Variants in DLG2 observed in about 807,000 individuals in gnomAD.
The protein encoded by DLG2 is disks large homolog 2.
DLG2 carries 45 observed loss-of-function variants against 132.5 expected under a neutral mutation model. The ratio of observed to expected loss-of-function variants is 0.34; its 90% confidence interval spans 0.27 to 0.44. The LOEUF is 0.44. DLG2 is among the 20% of genes least tolerant of loss of function. The probability of loss-of-function intolerance (pLI) is 1.00; values close to 1 mark genes in which losing one functional copy is unlikely to be tolerated. For synonymous variants in DLG2, 424 were observed against 419.6 expected (o/e 1.01, Z -0.13); for missense variants, 1,045 against 1,196.9 (o/e 0.87, Z 1.87).
At chr11:85,132,612 C>T (rs2075809609) in intron 5 of DLG2, among the ~76,000 whole-genome samples, 1 of 152,100 alleles carries the variant, frequency 6.6e-6, no homozygotes, top group Non-Finnish European at 1.5e-5. Context: ...AGACAGGACC[C>T]CCCAGACCCT....
intron 27 of DLG2, 97 bp downstream of exon 27, chr11:83,461,905 T>G: frequency 1.2e-6 from 1 of 813,044 alleles, no homozygotes. Context: ...ACAGGAAGGT[T>G]TTAGGGCACA....
chr11:84,628,630 C>T (rs1040202249), intron 6 of DLG2, among the ~76,000 whole-genome samples: 7 of 152,148 alleles, frequency 4.6e-5, no homozygotes, highest in African/African-American at 1.7e-4. Context: ...GGATATACTT[C>T]AAGTCTTTCT....
intron 16 of DLG2, among the ~76,000 whole-genome samples, chr11:83,859,048 C>T (rs573076508): frequency 2.6e-5 from 4 of 152,328 alleles, no homozygotes; most frequent in African/African-American, 7.2e-5. Context: ...CTCCTCCTTG[C>T]CTTCTGCCAT....
Position 85,009,039 on chromosome 11 carries a change from G to A in DLG2, c.357+102622C>T, listed in dbSNP as rs1032885531. 1.1e-4 allele frequency among the ~76,000 whole-genome samples: 16 copies of A among 151,876 alleles called. 1 individual carries two copies. Among genetic ancestry groups the A allele is most frequent in the Admixed American group, 2.6e-4 (4 of 15,242 alleles). On this transcript the variant is annotated intron_variant, in intron 6 of 27. Coordinates refer to ENST00000376104, the MANE Select transcript of DLG2 (RefSeq NM_001142699.3). ...ATGACAAATACAAAAGTCCTAAGGC[G>A]GGAAATAGGCCTGTAGAACTGAAAT... is the stretch of plus-strand genomic sequence containing the variant.
chr11:85,128,118 T>C (rs1376702719), intron 5 of DLG2, among the ~76,000 whole-genome samples: 1 of 152,192 alleles, frequency 6.6e-6, no homozygotes, highest in Non-Finnish European at 1.5e-5. Context: ...TTTTATTATG[T>C]ACATTAACCT....
At chr11:84,001,681 G>C (rs1457463577) in intron 11 of DLG2, among the ~76,000 whole-genome samples, 2 of 152,072 alleles carry the variant, frequency 1.3e-5, no homozygotes, top group Non-Finnish European at 2.9e-5. Context: ...CAGGATAGTA[G>C]ATATGTCAGG....
chr11:83,869,277 C>A (rs552711127), intron 16 of DLG2, among the ~76,000 whole-genome samples: 1 of 152,194 alleles, frequency 6.6e-6, no homozygotes, highest in South Asian at 2.1e-4. Context: ...TCAGCATCAT[C>A]CTGGGAAATC....
chr11:83,817,899 G>A (rs1420137108), intron 17 of DLG2, among the ~76,000 whole-genome samples: 2 of 152,066 alleles, frequency 1.3e-5, no homozygotes, highest in Non-Finnish European at 2.9e-5. Context: ...TAAAATAAAG[G>A]GAAGTCTTTA....
intron 6 of DLG2, among the ~76,000 whole-genome samples, chr11:84,904,171 T>A (rs1279434701): frequency 6.6e-6 from 1 of 152,152 alleles, no homozygotes; most frequent in Non-Finnish European, 1.5e-5. Context: ...GCAGAGCAAC[T>A]AGACCCATAC....
chr11:84,908,275 T>C (rs2091737743), intron 6 of DLG2, among the ~76,000 whole-genome samples: 1 of 152,214 alleles, frequency 6.6e-6, no homozygotes, highest in African/African-American at 2.4e-5. Context: ...ATATTATCAA[T>C]TCAACATATA....
chr11:84,816,612 T>C (rs1262548352), intron 6 of DLG2, among the ~76,000 whole-genome samples: 1 of 151,950 alleles, frequency 6.6e-6, no homozygotes, highest in Non-Finnish European at 1.5e-5. Flanking sequence ...CTCTAATTCA[T>C]ATAACAGCCC....
chr11:83,862,618 A>G (rs372561686), intron 16 of DLG2, among the ~76,000 whole-genome samples: 2 of 152,204 alleles, frequency 1.3e-5, no homozygotes, highest in East Asian at 3.8e-4. Flanking sequence ...TGTTTGTAAC[A>G]TAAATAAAGG....
chr11:83,916,483 T>C (rs1383018042), intron 15 of DLG2, among the ~76,000 whole-genome samples: 1 of 151,952 alleles, frequency 6.6e-6, no homozygotes, highest in African/African-American at 2.4e-5. Context: ...GCCTGGCTAA[T>C]TTTTGTATTT....
intron 7 of DLG2, among the ~76,000 whole-genome samples, chr11:84,414,508 T>C (rs1250145258): frequency 3.3e-5 from 5 of 152,174 alleles, no homozygotes; most frequent in African/African-American, 7.2e-5. Flanking sequence ...ACATAGTAAA[T>C]TCCATTCCGG....
At chr11:85,217,840 T>A (rs1329282004) in intron 4 of DLG2, among the ~76,000 whole-genome samples, 2 of 152,234 alleles carry the variant, frequency 1.3e-5, no homozygotes, top group African/African-American at 4.8e-5. Flanking sequence ...TCAAAAATTC[T>A]TACCAAGGCC....
intron 3 of DLG2, among the ~76,000 whole-genome samples, chr11:85,503,179 T>A (rs1236080171): frequency 6.6e-6 from 1 of 152,166 alleles, no homozygotes; most frequent in Non-Finnish European, 1.5e-5. Context: ...CACTGTATAG[T>A]AATTACACTG....
At chr11:83,840,372 A>G (rs142727161) in intron 16 of DLG2, among the ~76,000 whole-genome samples, 277 of 152,328 alleles carry the variant, frequency 1.8e-3, no homozygotes, top group African/African-American at 6.4e-3. Context: ...ATAAACTCCC[A>G]CAGTGATTAA....
At chr11:83,858,915 A>G (rs115276627) in intron 16 of DLG2, among the ~76,000 whole-genome samples, 60 of 152,250 alleles carry the variant, frequency 3.9e-4, no homozygotes, top group Middle Eastern at 3.4e-3. Flanking sequence ...CACTCCTATA[A>G]CTTTGTAATG....
chr11:84,141,216 T>C (rs749948411), intron 9 of DLG2, among the ~76,000 whole-genome samples: 3 of 151,986 alleles, frequency 2.0e-5, no homozygotes, highest in South Asian at 2.1e-4. Flanking sequence ...TATCTATCTA[T>C]CTACCTACCT....
Sources: gnomAD v4.1 joint callset for allele counts (sites outside exome capture counted in the v4.1 genomes callset) on GRCh38, gnomAD v4.1.1 for gene constraint, MANE v1.5 for transcripts, NCBI Gene and HGNC (gene_info 2026-07-23, HGNC 2026-07-21) for gene names.